SNHG17: variants seen among roughly 807,000 people sequenced by gnomAD.
SNHG17 encodes small nucleolar RNA host gene 17.
chr20:38,430,515 G>A (rs1251732986), intron 3 of SNHG17, among the ~76,000 whole-genome samples: 1 of 152,034 alleles, frequency 6.6e-6, no homozygotes, highest in Non-Finnish European at 1.5e-5. Flanking sequence ...CAGCTACTCA[G>A]GAGACTGAGG....
intron 3 of SNHG17, among the ~76,000 whole-genome samples, chr20:38,430,155 A>G (rs2084318662): frequency 6.6e-6 from 1 of 151,832 alleles, no homozygotes; most frequent in Non-Finnish European, 1.5e-5. Flanking sequence ...CATCTCTACT[A>G]AAGATACAAA....
intron 2 of SNHG17, among the ~76,000 whole-genome samples, chr20:38,433,554 C>T (rs1221306562): frequency 6.6e-6 from 1 of 152,172 alleles, no homozygotes; most frequent in East Asian, 1.9e-4. Flanking sequence ...CCACTGCACA[C>T]TGCACCTCAG....
chr20:38,424,291 G>A (rs1276925172), intron 5 of SNHG17, among the ~76,000 whole-genome samples: 1 of 152,028 alleles, frequency 6.6e-6, no homozygotes, highest in East Asian at 1.9e-4. Flanking sequence ...GGTGGGGTGG[G>A]AGAGCCCCGC....
intron 3 of SNHG17, among the ~76,000 whole-genome samples, chr20:38,426,999 C>T (rs1226865166): frequency 1.6e-5 from 2 of 124,034 alleles, no homozygotes; most frequent in African/African-American, 7.2e-5. Flanking sequence ...TACACATACA[C>T]ACACACACAC....
chr20:38,422,437 T>C (rs1436381037), intron 5 of SNHG17, among the ~76,000 whole-genome samples: 1 of 152,098 alleles, frequency 6.6e-6, no homozygotes, highest in African/African-American at 2.4e-5. Context: ...AATGCCACTG[T>C]CTCTATTAGT....
intron 3 of SNHG17, chr20:38,427,296 G>A (rs527738638): frequency 5.2e-5 from 26 of 495,864 alleles, no homozygotes; most frequent in Non-Finnish European, 8.9e-5. Flanking sequence ...GCTGGCAGGA[G>A]AGCAACAGGA....
At chr20:38,426,995 T>TACACACACATACACACACACAC (rs2084259775) in intron 3 of SNHG17, among the ~76,000 whole-genome samples, 2 of 125,648 alleles carry the variant, frequency 1.6e-5, no homozygotes, top group African/African-American at 5.7e-5. Context: ...AAGTTACACA[T>TACACACACATACACACACACAC]ACACACACAC....
chr20:38,426,389 A>G (rs1045852679), intron 4 of SNHG17: 2 of 152,834 alleles, frequency 1.3e-5, no homozygotes, highest in Admixed American at 1.3e-4. Flanking sequence ...ACACCAGTGC[A>G]TTCTCTAGAG....
At chr20:38,426,684 C>T (rs2084254110) in intron 3 of SNHG17, among the ~76,000 whole-genome samples, 1 of 150,914 alleles carries the variant, frequency 6.6e-6, no homozygotes, top group Admixed American at 6.6e-5. Flanking sequence ...CCACCCATTC[C>T]TCCAGGGGCA....
At chr20:38,425,253 A>C (rs1215379235) in intron 5 of SNHG17, 1 of 519,096 alleles carries the variant, frequency 1.9e-6, no homozygotes, top group East Asian at 5.4e-5. Flanking sequence ...AAACACGGGG[A>C]AGCGCTTTCA....
intron 2 of SNHG17, chr20:38,431,950 C>G: frequency 1.0e-6 from 1 of 968,544 alleles, no homozygotes; most frequent in Non-Finnish European, 1.2e-6. Context: ...CTGCATGCAC[C>G]CACCCTTGTG....
At chr20:38,430,841 G>A (rs1272283964) in intron 3 of SNHG17, 2 of 152,382 alleles carry the variant, frequency 1.3e-5, no homozygotes, top group South Asian at 4.1e-4. Context: ...CAAGCTCAGG[G>A]AGCACCTTCT....
At chr20:38,432,953 G>A (rs116034917) in intron 2 of SNHG17, among the ~76,000 whole-genome samples, 2,271 of 151,768 alleles carry the variant, frequency 0.015, 58 homozygotes, top group African/African-American at 0.052. Flanking sequence ...ACCAGCCACA[G>A]TTGTCTTTTT....
rs773897890 is a variant in SNHG17 at position 38,433,901 on chromosome 20, G to A, written n.308+603C>T. The A allele has an allele frequency of 1.3e-5, 7 of 519,082 alleles. 1 individual carries two copies. Among genetic ancestry groups the A allele is most frequent in the East Asian group, 5.4e-5 (1 of 18,368 alleles). 32.2% of individuals were successfully genotyped at this position (519,082 alleles called of 1,614,324 possible). A position where few individuals can be genotyped will look rare whatever the true frequency, so the allele number is the denominator to read the frequency against. The stretch of plus-strand genomic sequence containing the variant: ...TCCAGAGTTTGAAAGGGACAGGAGC[G>A]GACCCTCCAAACACGGGGAAGCACT... On this transcript the variant is annotated intron_variant and non_coding_transcript_variant, in intron 2 of 8. Transcript: ENST00000654008.
chr20:38,422,980 T>C (rs2084183729), intron 5 of SNHG17, among the ~76,000 whole-genome samples: 1 of 151,774 alleles, frequency 6.6e-6, no homozygotes, highest in African/African-American at 2.4e-5. Context: ...TAACCCCAGC[T>C]ACTCGGGAGG....
chr20:38,424,954 G>C, intron 5 of SNHG17: 1 of 255,622 alleles, frequency 3.9e-6, no homozygotes, highest in Non-Finnish European at 8.0e-6. Context: ...CCATGTGGAG[G>C]TTACTGGGGG....
At chr20:38,424,985 T>C in intron 5 of SNHG17, 2 of 310,460 alleles carry the variant, frequency 6.4e-6, no homozygotes, top group East Asian at 7.9e-5. Flanking sequence ...ATAATCTGCA[T>C]GCATTTTACA....
intron 5 of SNHG17, chr20:38,425,089 G>T (rs2084224004): frequency 2.5e-6 from 1 of 406,522 alleles, no homozygotes. Context: ...ACTGGCTCCA[G>T]GTCTCTTCTC....
At chr20:38,434,867 T>C (rs1600773332) in intron 1 of SNHG17, 1 of 985,432 alleles carries the variant, frequency 1.0e-6, no homozygotes. Context: ...CTTTGGAGGC[T>C]TCCAATGCCA....
Sources: gnomAD v4.1 joint callset for allele counts (sites outside exome capture counted in the v4.1 genomes callset) on GRCh38, gnomAD v4.1.1 for gene constraint, MANE v1.5 for transcripts, NCBI Gene and HGNC (gene_info 2026-07-23, HGNC 2026-07-21) for gene names.